The following EEFSEC variants were observed in gnomAD, a reference collection of about 807,000 sequenced individuals.
EEFSEC encodes selenocysteine-specific elongation factor.
A neutral mutation model predicts 42.1 loss-of-function variants in EEFSEC; 43 were observed. The ratio of observed to expected loss-of-function variants is 1.02; its 90% confidence interval spans 0.80 to 1.32. The LOEUF is 1.32. Ranked by LOEUF, EEFSEC falls within the 40% of genes most tolerant of loss-of-function variation. The probability of loss-of-function intolerance (pLI) is 0.00; values close to 1 mark genes in which losing one functional copy is unlikely to be tolerated. For synonymous variants in EEFSEC, 354 were observed against 339.1 expected, an observed-to-expected ratio of 1.04 and a Z score of -0.48; for missense variants, 745 against 803.6, an observed-to-expected ratio of 0.93 and a Z score of 0.88.
At chr3:128,385,850 G>A (rs2067832242) in intron 6 of EEFSEC, among the ~76,000 whole-genome samples, 5 of 152,226 alleles carry the variant, frequency 3.3e-5, no homozygotes. Flanking sequence ...GGTCAGCCCA[G>A]AACAGTCCAA....
At chr3:128,255,355 C>T (rs996867812) in intron 2 of EEFSEC, among the ~76,000 whole-genome samples, 1 of 152,178 alleles carries the variant, frequency 6.6e-6, no homozygotes, top group Admixed American at 6.5e-5. Flanking sequence ...GTCACCTGGT[C>T]AGATGCCACA....
At chr3:128,306,515 G>A (rs1389332609) in intron 4 of EEFSEC, among the ~76,000 whole-genome samples, 1 of 152,102 alleles carries the variant, frequency 6.6e-6, no homozygotes, top group African/African-American at 2.4e-5. Context: ...ATTTGTTAAC[G>A]TAATCTATCT....
At chr3:128,168,475 G>A (rs2065263452) in intron 1 of EEFSEC, among the ~76,000 whole-genome samples, 1 of 152,218 alleles carries the variant, frequency 6.6e-6, no homozygotes, top group African/African-American at 2.4e-5. Context: ...TTTCTGGGGA[G>A]AGAGAGGAAG....
the EEFSEC span, among the ~76,000 whole-genome samples, chr3:128,422,705 G>A: frequency 2.0e-5 from 3 of 152,250 alleles, no homozygotes; most frequent in Non-Finnish European, 4.4e-5. Flanking sequence ...GGGACCAGAG[G>A]GAGCTTGAAA....
chr3:128,181,153 G>C (rs112632358), intron 1 of EEFSEC, among the ~76,000 whole-genome samples: 1 of 152,194 alleles, frequency 6.6e-6, no homozygotes, highest in Non-Finnish European at 1.5e-5. Flanking sequence ...GCGTGAGTGG[G>C]TGTGTGGCTG....
intron 1 of EEFSEC, among the ~76,000 whole-genome samples, chr3:128,242,053 G>A (rs1055253193): frequency 5.9e-5 from 9 of 152,190 alleles, no homozygotes; most frequent in East Asian, 3.8e-4. Context: ...AGTGGCTCAC[G>A]CCCGTAATCC....
At chr3:128,182,685 C>T (rs2065421115) in intron 1 of EEFSEC, among the ~76,000 whole-genome samples, 1 of 152,146 alleles carries the variant, frequency 6.6e-6, no homozygotes, top group South Asian at 2.1e-4. Context: ...GTGTACATGT[C>T]ACAGGGTCAG....
intron 6 of EEFSEC, among the ~76,000 whole-genome samples, chr3:128,399,735 G>C (rs1345307628): frequency 1.3e-5 from 2 of 151,836 alleles, no homozygotes; most frequent in African/African-American, 4.8e-5. Flanking sequence ...CTCTCAGGGA[G>C]CGCTCACACT....
chr3:128,302,465 C>T (rs1304542785), intron 4 of EEFSEC, among the ~76,000 whole-genome samples: 2 of 152,116 alleles, frequency 1.3e-5, no homozygotes, highest in Non-Finnish European at 2.9e-5. Flanking sequence ...GCTTAGGTTT[C>T]ATATGCCAGT....
chr3:128,366,643 T>C (rs16844107), intron 6 of EEFSEC, among the ~76,000 whole-genome samples: 6,441 of 152,298 alleles, frequency 0.042, 442 homozygotes, highest in African/African-American at 0.14. Flanking sequence ...TACCAAGCAC[T>C]GACTCTTGTG....
intron 6 of EEFSEC, among the ~76,000 whole-genome samples, chr3:128,403,139 C>G (rs897490065): frequency 6.6e-6 from 1 of 152,152 alleles, no homozygotes; most frequent in Non-Finnish European, 1.5e-5. Context: ...GAAAGTGAAC[C>G]TGCAGCTGCC....
intron 1 of EEFSEC, among the ~76,000 whole-genome samples, chr3:128,239,423 G>C (rs1430224745): frequency 6.6e-6 from 1 of 152,168 alleles, no homozygotes; most frequent in African/African-American, 2.4e-5. Flanking sequence ...TTACTGTGTT[G>C]TCTCTGGCAT....
chr3:128,277,370 G>A (rs933440541), intron 4 of EEFSEC, among the ~76,000 whole-genome samples: 1 of 152,206 alleles, frequency 6.6e-6, no homozygotes, highest in African/African-American at 2.4e-5. Context: ...GCACTTGCCT[G>A]CTTTTCTTTG....
At chr3:128,279,193 C>T (rs2066499396) in intron 4 of EEFSEC, among the ~76,000 whole-genome samples, 1 of 152,206 alleles carries the variant, frequency 6.6e-6, no homozygotes, top group East Asian at 1.9e-4. Flanking sequence ...CTTAGTACAG[C>T]CCTTACTGCG....
intron 4 of EEFSEC, among the ~76,000 whole-genome samples, chr3:128,280,876 C>T (rs2066518689): frequency 6.6e-6 from 1 of 152,040 alleles, no homozygotes; most frequent in Non-Finnish European, 1.5e-5. Flanking sequence ...TTTTTTTTCC[C>T]CTCCACACTC....
At chr3:128,247,524 G>A (rs2066140727) in intron 2 of EEFSEC, among the ~76,000 whole-genome samples, 1 of 152,174 alleles carries the variant, frequency 6.6e-6, no homozygotes, top group Non-Finnish European at 1.5e-5. Context: ...TAGATGACTG[G>A]TTGTTTCTGT....
chr3:128,362,621 G>A (rs1735544), intron 6 of EEFSEC, among the ~76,000 whole-genome samples: 1 of 152,226 alleles, frequency 6.6e-6, no homozygotes, highest in African/African-American at 2.4e-5. Context: ...GGCACGCGGA[G>A]CTTAAAGCCT....
At chr3:128,333,920 C>A (rs2067161536) in intron 4 of EEFSEC, among the ~76,000 whole-genome samples, 2 of 152,200 alleles carry the variant, frequency 1.3e-5, no homozygotes, top group African/African-American at 4.8e-5. Context: ...GGCCTGGGAG[C>A]AGTCAGAAGG....
At chr3:128,240,988 C>T (rs1407796626) in intron 1 of EEFSEC, among the ~76,000 whole-genome samples, 8 of 152,196 alleles carry the variant, frequency 5.3e-5, no homozygotes, top group Admixed American at 3.9e-4. Context: ...GAGTTGGGGA[C>T]CTCTGAAACC....
Sources: allele counts gnomAD v4.1 joint callset (sites outside exome capture counted in the v4.1 genomes callset), GRCh38; gene constraint gnomAD v4.1.1; transcripts MANE v1.5; gene names NCBI Gene and HGNC (gene_info 2026-07-23, HGNC 2026-07-21).